DOCK2: variants seen among roughly 807,000 people sequenced by gnomAD.
DOCK2 encodes dedicator of cytokinesis 2.
In DOCK2, 87 loss-of-function variants were observed where a neutral mutation model predicts 248.9. The ratio of observed to expected loss-of-function variants is 0.35; its 90% CI spans 0.29 to 0.42. DOCK2 has a LOEUF of 0.42. Among genes scored for constraint, DOCK2 ranks in the 10% least tolerant of loss-of-function variants. The pLI is 1.00. For synonymous variants in DOCK2, 805 were observed against 821.6 expected (o/e 0.98, Z 0.35); for missense variants, 1,747 against 2,300.2 (o/e 0.76, Z 4.92).
chr5:169,881,406 A>G (rs1238706353), intron 27 of DOCK2: 2 of 1,551,500 alleles, frequency 1.3e-6, no homozygotes, highest in Admixed American at 2.0e-5. Context: ...AGGTACTGCA[A>G]TTGTTGAGAT....
chr5:169,705,538 G>T (rs964699356), intron 14 of DOCK2, among the ~76,000 whole-genome samples: 6 of 152,178 alleles, frequency 3.9e-5, no homozygotes, highest in Non-Finnish European at 8.8e-5. Flanking sequence ...AAGCCTGAGA[G>T]TCTCTGTCTG....
At chr5:170,009,568 C>A (rs1319712223) in intron 32 of DOCK2, among the ~76,000 whole-genome samples, 1 of 152,126 alleles carries the variant, frequency 6.6e-6, no homozygotes, top group Non-Finnish European at 1.5e-5. Flanking sequence ...TTTTATTTTT[C>A]TGTCCCTCCT....
chr5:170,042,157 G>T, intron 38 of DOCK2, 25 bp downstream of exon 38: 3 of 1,589,922 alleles, frequency 1.9e-6, no homozygotes, highest in Non-Finnish European at 1.7e-6. Flanking sequence ...CCCACCCCCC[G>T]TGGGGACCCT....
At chr5:169,856,112 C>A (rs535392979) in intron 27 of DOCK2, among the ~76,000 whole-genome samples, 2 of 152,300 alleles carry the variant, frequency 1.3e-5, no homozygotes, top group South Asian at 4.1e-4. Context: ...ATGATCCAAT[C>A]ACCTCTCACC....
At chr5:169,841,255 C>A in intron 27 of DOCK2, 1 of 852,756 alleles carries the variant, frequency 1.2e-6, no homozygotes, top group Non-Finnish European at 1.4e-6. Flanking sequence ...TCCTAAGGGG[C>A]TTCATTGCGT....
intron 22 of DOCK2, among the ~76,000 whole-genome samples, chr5:169,741,963 C>T (rs1427845118): frequency 6.6e-6 from 1 of 152,032 alleles, no homozygotes; most frequent in Non-Finnish European, 1.5e-5. Context: ...GCGCCCACCA[C>T]CCTGCCCAGC....
At chr5:169,650,634 T>C (rs1182614736) in intron 1 of DOCK2, among the ~76,000 whole-genome samples, 1 of 152,196 alleles carries the variant, frequency 6.6e-6, no homozygotes, top group South Asian at 2.1e-4. Context: ...TCCATCTGCC[T>C]CAAAATAGCA....
intron 26 of DOCK2, among the ~76,000 whole-genome samples, chr5:169,810,287 GAATT>G (rs1421960490): frequency 6.6e-6 from 1 of 152,088 alleles, no homozygotes; most frequent in Non-Finnish European, 1.5e-5. Context: ...GCAGAGGGTT[GAATT>G]AATCACACTC....
At chr5:169,708,310 C>T in intron 15 of DOCK2, 43 bp downstream of exon 15, 8 of 1,564,410 alleles carry the variant, frequency 5.1e-6, no homozygotes, top group Non-Finnish European at 7.0e-6. Flanking sequence ...TAGTTCTTAC[C>T]ATGAACCAGG....
At chr5:169,751,099 C>T (rs893026611) in intron 23 of DOCK2, among the ~76,000 whole-genome samples, 2 of 152,114 alleles carry the variant, frequency 1.3e-5, no homozygotes, top group Non-Finnish European at 2.9e-5. Flanking sequence ...TATGTGAAAC[C>T]TGAAGTATAA....
chr5:169,793,474 C>G (rs1459018289), intron 25 of DOCK2, among the ~76,000 whole-genome samples: 1 of 152,128 alleles, frequency 6.6e-6, no homozygotes, highest in African/African-American at 2.4e-5. Context: ...AGGCAAGTTA[C>G]TGAACCTCTC....
chr5:170,050,516 A>T, intron 41 of DOCK2, 119 bp downstream of exon 41: 1 of 1,215,448 alleles, frequency 8.2e-7, no homozygotes, highest in Non-Finnish European at 1.1e-6. Context: ...CAGTGGCGCC[A>T]TGTTGCAGGA....
chr5:169,739,771 C>T (rs1248758536), intron 22 of DOCK2, among the ~76,000 whole-genome samples: 1 of 152,174 alleles, frequency 6.6e-6, no homozygotes, highest in African/African-American at 2.4e-5. Flanking sequence ...CCAACTTCTT[C>T]TTGGCACCCA....
intron 27 of DOCK2, chr5:169,882,639 C>T (rs1461655184): frequency 6.4e-7 from 1 of 1,551,986 alleles, no homozygotes; most frequent in South Asian, 1.2e-5. Context: ...GCAGAGATTC[C>T]TCCACAGATT....
At chr5:169,724,354 C>A (rs1480242855) in intron 22 of DOCK2, among the ~76,000 whole-genome samples, 1 of 152,184 alleles carries the variant, frequency 6.6e-6, no homozygotes, top group Non-Finnish European at 1.5e-5. Flanking sequence ...TGAAGCTATT[C>A]AGGCAAATGT....
At chr5:169,703,272 T>C (rs754655381) in intron 14 of DOCK2, among the ~76,000 whole-genome samples, 2 of 152,206 alleles carry the variant, frequency 1.3e-5, no homozygotes, top group Non-Finnish European at 2.9e-5. Context: ...GCATCATTTT[T>C]GTCCTTGGGG....
intron 42 of DOCK2, 70 bp downstream of exon 42, chr5:170,055,456 T>A (rs1353253621): frequency 7.0e-7 from 1 of 1,418,858 alleles, no homozygotes; most frequent in Non-Finnish European, 1.0e-6. Flanking sequence ...ACTGAGCTGG[T>A]GGCAGAACAG....
At chr5:169,994,008 T>TC (rs1184959965) in intron 29 of DOCK2, among the ~76,000 whole-genome samples, 1 of 152,084 alleles carries the variant, frequency 6.6e-6, no homozygotes, top group Non-Finnish European at 1.5e-5. Context: ...TTTCCTTTTT[T>TC]CCCCCCACTC....
intron 26 of DOCK2, among the ~76,000 whole-genome samples, chr5:169,807,738 G>T (rs1467265656): frequency 6.7e-6 from 1 of 149,810 alleles, no homozygotes; most frequent in East Asian, 2.0e-4. Context: ...GGAGGCTGAG[G>T]CAGGAGAATG....
Sources: allele counts gnomAD v4.1 joint callset (sites outside exome capture counted in the v4.1 genomes callset), GRCh38; gene constraint gnomAD v4.1.1; transcripts MANE v1.5; gene names NCBI Gene and HGNC (gene_info 2026-07-23, HGNC 2026-07-21).